CDH4: variants seen among roughly 807,000 people sequenced by gnomAD.
The protein encoded by CDH4 is cadherin-4.
In CDH4, 33 loss-of-function variants were observed where a neutral mutation model predicts 86.0. The observed-to-expected ratio is 0.38, with a 90% confidence interval of 0.29 to 0.51. The LOEUF (loss-of-function observed/expected upper bound fraction) is 0.51. Among genes scored for constraint, CDH4 ranks in the 20% least tolerant of loss-of-function variants. The probability of loss-of-function intolerance (pLI) is 0.86; values close to 1 mark genes in which losing one functional copy is unlikely to be tolerated. For missense variants in CDH4, 1,114 were observed against 1,307.4 expected (o/e 0.85, Z 2.28); for synonymous variants, 555 against 549.4 (o/e 1.01, Z -0.14).
Position 61,616,928 on chromosome 20 carries a change from C to T in CDH4, c.170-126635C>T, listed in dbSNP as rs1393514483. On this transcript the variant is annotated intron_variant, in intron 2 of 15. Transcript: ENST00000614565. ...CCTGGGGCAGTGGGTCCATGGGGGGCTGCTGGGTGGAGGGGGGTGACTGGA... is the reference window on the plus strand; with the variant it reads ...CCTGGGGCAGTGGGTCCATGGGGGGTTGCTGGGTGGAGGGGGGTGACTGGA... Among the ~76,000 whole-genome samples, 3 of 151,890 alleles carry T rather than the reference C, an allele frequency of 2.0e-5. No homozygotes were observed. The East Asian group carries it at 5.8e-4, about 29-fold the overall frequency.
intron 2 of CDH4, among the ~76,000 whole-genome samples, chr20:61,594,408 G>A (rs987494430): frequency 6.6e-5 from 10 of 152,092 alleles, no homozygotes; most frequent in African/African-American, 1.9e-4. Context: ...AGCCCCCACC[G>A]GGCCCACCTG....
At chr20:61,319,157 A>G (rs1047090994) in intron 2 of CDH4, among the ~76,000 whole-genome samples, 7 of 151,834 alleles carry the variant, frequency 4.6e-5, no homozygotes, top group African/African-American at 1.5e-4. Context: ...GCATAATAAT[A>G]TAACATATAA....
At chr20:61,474,672 T>C (rs527686958) in intron 2 of CDH4, among the ~76,000 whole-genome samples, 1 of 152,262 alleles carries the variant, frequency 6.6e-6, no homozygotes, top group Admixed American at 6.5e-5. Flanking sequence ...GACCCTTTCT[T>C]TAAAATGTAA....
chr20:61,567,595 G>A (rs1057175939), intron 2 of CDH4, among the ~76,000 whole-genome samples: 9 of 152,174 alleles, frequency 5.9e-5, no homozygotes, highest in Admixed American at 1.3e-4. Flanking sequence ...AAATTTGGGG[G>A]CACAAACATT....
chr20:61,310,467 G>A (rs1478183270), intron 2 of CDH4, among the ~76,000 whole-genome samples: 1 of 152,158 alleles, frequency 6.6e-6, no homozygotes, highest in Non-Finnish European at 1.5e-5. Flanking sequence ...CTCATAAGGA[G>A]CGTGCACCTT....
intron 2 of CDH4, among the ~76,000 whole-genome samples, chr20:61,595,758 C>G (rs1007094766): frequency 3.3e-5 from 5 of 152,312 alleles, no homozygotes; most frequent in Middle Eastern, 3.4e-3. Context: ...CACTGCAGAG[C>G]TGGGCCACTG....
chr20:61,359,813 C>T (rs1051172229), intron 2 of CDH4, among the ~76,000 whole-genome samples: 13 of 152,082 alleles, frequency 8.5e-5, no homozygotes, highest in East Asian at 1.9e-4. Context: ...TTCACCCCAG[C>T]GAGATGGCAG....
chr20:61,932,895 G>T, intron 13 of CDH4, 90 bp from the exon 14 acceptor site: 2 of 1,520,216 alleles, frequency 1.3e-6, no homozygotes, highest in East Asian at 2.4e-5. Flanking sequence ...CCACCTGCAT[G>T]TACATGCCCA....
intron 2 of CDH4, among the ~76,000 whole-genome samples, chr20:61,584,591 T>C (rs1423150025): frequency 1.3e-5 from 2 of 152,178 alleles, no homozygotes; most frequent in Admixed American, 6.5e-5. Context: ...CTTGGAGGTA[T>C]TGGGTGCTGG....
intron 2 of CDH4, among the ~76,000 whole-genome samples, chr20:61,566,475 G>C (rs556247763): frequency 6.6e-6 from 1 of 152,100 alleles, no homozygotes; most frequent in African/African-American, 2.4e-5. Context: ...GGTTGCCAGC[G>C]TAGAACGCTC....
chr20:61,850,714 G>A (rs1247188837), intron 5 of CDH4, among the ~76,000 whole-genome samples: 3 of 152,266 alleles, frequency 2.0e-5, no homozygotes. Flanking sequence ...AACGCTCGGA[G>A]GACTCCTCCA....
chr20:61,710,464 C>A lies in CDH4; in HGVS notation c.170-33099C>A, dbSNP rs369491689. Among the ~76,000 whole-genome samples the A allele has an allele frequency of 1.1e-3, 174 of 152,350 alleles. 1 individual carries two copies. The highest frequency in any genetic ancestry group is 3.9e-3 in the African/African-American group (163 of 41,572). ...CTGAGTCCTCGCTCCTGCGGCAGAG[C>A]CCCCCTCCTGGGGAGCTTCAGATGC... On this transcript the variant is annotated intron_variant, in intron 2 of 15. Transcript: ENST00000614565.
chr20:61,295,736 G>A (rs1287594704), intron 2 of CDH4, among the ~76,000 whole-genome samples: 1 of 152,176 alleles, frequency 6.6e-6, no homozygotes, highest in Non-Finnish European at 1.5e-5. Context: ...AGCGGGGAAG[G>A]AGGCGGTGGC....
chr20:61,403,525 C>T (rs931765629), intron 2 of CDH4, among the ~76,000 whole-genome samples: 2 of 152,104 alleles, frequency 1.3e-5, no homozygotes, highest in African/African-American at 4.8e-5. Context: ...GGCCCTGTCT[C>T]CCTGGTGTCG....
At chr20:61,653,947 AGC>A (rs2087158246) in intron 2 of CDH4, among the ~76,000 whole-genome samples, 1 of 143,270 alleles carries the variant, frequency 7.0e-6, no homozygotes, top group African/African-American at 2.6e-5. Context: ...CAGACTGGGC[AGC>A]CAGGCAGAGG....
At position 61,582,037 on chromosome 20, in the gene CDH4, G is replaced by A. The variant is rs1214183114; in HGVS notation, c.170-161526G>A. 1.3e-5 allele frequency among the ~76,000 whole-genome samples: 2 copies of A among 152,208 alleles called. No individual in the cohort carries two copies. The highest frequency in any genetic ancestry group is 2.9e-5 in the Non-Finnish European group (2 of 68,030). On this transcript the variant is annotated intron_variant, in intron 2 of 15. Transcript: ENST00000614565. The surrounding 1 kb of genome is among the most constrained non-coding windows in gnomAD (Gnocchi z 4.2). ...GGGCGCCTCCTCAGGGCAGCCTGTG[G>A]GAAGAGGGTGCTCCCAGCCCTCCAG...
At chr20:61,398,332 T>G (rs1261731846) in intron 2 of CDH4, among the ~76,000 whole-genome samples, 2 of 152,188 alleles carry the variant, frequency 1.3e-5, no homozygotes, top group Non-Finnish European at 2.9e-5. Flanking sequence ...CTATTTAATG[T>G]TTTTTGCGTC....
chr20:61,909,144 G>A (rs1047107312), intron 8 of CDH4, among the ~76,000 whole-genome samples: 8 of 152,186 alleles, frequency 5.3e-5, no homozygotes, highest in African/African-American at 1.7e-4. Context: ...AGGACACAGG[G>A]GCTTCCCACC....
intron 2 of CDH4, among the ~76,000 whole-genome samples, chr20:61,587,257 T>C (rs1884228): frequency 0.99 from 150,448 of 152,134 alleles, 74,394 homozygotes; most frequent in East Asian, 1. Context: ...GGGGGGCCAC[T>C]GAGTGACTGG....
Sources: allele counts gnomAD v4.1 joint callset (sites outside exome capture counted in the v4.1 genomes callset), GRCh38; gene constraint gnomAD v4.1.1; non-coding constraint Gnocchi (gnomAD v3.1); transcripts MANE v1.5; gene names NCBI Gene and HGNC (gene_info 2026-07-23, HGNC 2026-07-21).